SOX6: variants seen among roughly 807,000 people sequenced by gnomAD.
The protein encoded by SOX6 is SRY-box transcription factor 6.
Under a neutral mutation model 97.8 loss-of-function variants are expected in SOX6, and 11 were observed. The ratio of observed to expected loss-of-function variants is 0.11; its 90% CI spans 0.07 to 0.19. The LOEUF is 0.19. Among genes scored for constraint, SOX6 ranks in the 10% least tolerant of loss-of-function variants. The pLI is 1.00. For missense variants in SOX6, 810 were observed against 1,039.5 expected, an observed-to-expected ratio of 0.78 and a Z score of 3.04; for synonymous variants, 360 against 371.4, an observed-to-expected ratio of 0.97 and a Z score of 0.35.
intron 1 of SOX6, among the ~76,000 whole-genome samples, chr11:16,430,960 C>T (rs1410472861): frequency 6.6e-6 from 1 of 152,142 alleles, no homozygotes; most frequent in Admixed American, 6.6e-5. Context: ...TTAAATTATG[C>T]CTGTCCTCAT....
chr11:16,010,178 A>G lies in SOX6; in HGVS notation c.1732+4764T>C, dbSNP rs926362351. Among the ~76,000 whole-genome samples the G allele has an allele frequency of 2.6e-5, 4 of 151,460 alleles. No individual in the cohort carries two copies. The East Asian group carries it at 7.8e-4, about 30-fold the overall frequency. ...CACACACACACACACACACACAAATAAAGCTTCAGAAGGGTAAGGTCATCT... is the reference window on the plus strand; with the variant it reads ...CACACACACACACACACACACAAATGAAGCTTCAGAAGGGTAAGGTCATCT... On this transcript the variant is annotated intron_variant, in intron 13 of 15. Transcript: ENST00000683767.
At chr11:16,321,882 T>C (rs1855939046) in intron 2 of SOX6, among the ~76,000 whole-genome samples, 1 of 152,176 alleles carries the variant, frequency 6.6e-6, no homozygotes, top group African/African-American at 2.4e-5. Flanking sequence ...TTTTTAACTT[T>C]CTAACACCTA....
At chr11:16,174,486 A>G (rs1851129720) in intron 6 of SOX6, among the ~76,000 whole-genome samples, 1 of 151,948 alleles carries the variant, frequency 6.6e-6, no homozygotes, top group Admixed American at 6.6e-5. Context: ...TCTAACATTA[A>G]TAACTTTGAG....
chr11:16,627,984 G>A (rs1180773127), intron 3 of SOX6, among the ~76,000 whole-genome samples: 1 of 152,090 alleles, frequency 6.6e-6, no homozygotes, highest in African/African-American at 2.4e-5. Flanking sequence ...TATGGTGAAA[G>A]GTATAGGTTT....
chr11:16,623,259 G>A (rs1004857881), intron 3 of SOX6, among the ~76,000 whole-genome samples: 7 of 152,132 alleles, frequency 4.6e-5, no homozygotes, highest in Admixed American at 2.6e-4. Context: ...GACCTCAGGT[G>A]ATCCACCCAC....
Position 16,234,583 on chromosome 11 carries a change from T to C in SOX6, c.534A>G (p.Lys178=). 1 of 1,552,498 alleles carries C rather than the reference T, an allele frequency of 6.4e-7. No individual in the cohort carries two copies. The highest frequency in any genetic ancestry group is 8.9e-7 in the Non-Finnish European group (1 of 1,128,104). Residue 178 remains lysine (K), a splice_region_variant and synonymous_variant, in exon 4 of 16, where the codon AAA becomes AAG. Coordinates refer to ENST00000683767, the MANE Select transcript of SOX6 (RefSeq NM_001367873.1). ...LNTSELLGEI[K]GTPESLAEKE... is the part of the protein sequence containing the mutation. Reference sequence around the variant, plus strand: ...TGTTCGATATATTTTATGTTGTACCTTTAATTTCTCCAAGAAGTTCACTGG... The same window carrying C: ...TGTTCGATATATTTTATGTTGTACCCTTAATTTCTCCAAGAAGTTCACTGG...
chr11:16,346,628 C>A (rs1856784252), intron 1 of SOX6, among the ~76,000 whole-genome samples: 1 of 152,106 alleles, frequency 6.6e-6, no homozygotes, highest in African/African-American at 2.4e-5. Context: ...TAAGAAAATT[C>A]AGGTGAAAAG....
intron 4 of SOX6, among the ~76,000 whole-genome samples, chr11:16,570,428 A>G (rs370909789): frequency 1.9e-4 from 29 of 152,276 alleles, no homozygotes; most frequent in Admixed American, 4.6e-4. Flanking sequence ...AAAGAAAACT[A>G]TGTATTTTAA....
intron 9 of SOX6, among the ~76,000 whole-genome samples, chr11:16,066,308 T>A (rs1176427941): frequency 1.3e-5 from 2 of 152,166 alleles, no homozygotes; most frequent in African/African-American, 2.4e-5. Context: ...TTGGTGAGAA[T>A]GTAAATTAGT....
chr11:16,427,500 G>C (rs1179235435), intron 1 of SOX6, among the ~76,000 whole-genome samples: 4 of 150,774 alleles, frequency 2.7e-5, no homozygotes, highest in Non-Finnish European at 5.9e-5. Context: ...CCCACAACAG[G>C]CCCAATGTGT....
At chr11:16,045,643 G>C (rs1456237894) in intron 12 of SOX6, among the ~76,000 whole-genome samples, 3 of 152,026 alleles carry the variant, frequency 2.0e-5, no homozygotes, top group Admixed American at 6.6e-5. Context: ...TGCCATTCCT[G>C]CCACACTGGC....
intron 1 of SOX6, among the ~76,000 whole-genome samples, chr11:16,448,335 A>G (rs766527820): frequency 4.6e-5 from 7 of 152,022 alleles, no homozygotes; most frequent in Non-Finnish European, 8.8e-5. Flanking sequence ...AATTCTTTCT[A>G]TTTTACTCAT....
At chr11:16,505,348 T>G (rs1203450219) in intron 4 of SOX6, among the ~76,000 whole-genome samples, 2 of 152,152 alleles carry the variant, frequency 1.3e-5, no homozygotes, top group Non-Finnish European at 2.9e-5. Flanking sequence ...TTGAGAGAGA[T>G]GACTTAGGGT....
At chr11:16,209,866 C>T (rs1852173598) in intron 4 of SOX6, among the ~76,000 whole-genome samples, 1 of 152,074 alleles carries the variant, frequency 6.6e-6, no homozygotes, top group South Asian at 2.1e-4. Flanking sequence ...AGCTCCAATA[C>T]TTACTAGGCT....
chr11:16,639,285 G>T (rs1848850957), intron 3 of SOX6, among the ~76,000 whole-genome samples: 1 of 152,068 alleles, frequency 6.6e-6, no homozygotes, highest in Admixed American at 6.5e-5. Flanking sequence ...TCTCTGTTTT[G>T]GTACCAGTAC....
intron 1 of SOX6, among the ~76,000 whole-genome samples, chr11:16,344,154 G>A (rs943301163): frequency 5.3e-5 from 8 of 151,798 alleles, no homozygotes; most frequent in Non-Finnish European, 8.8e-5. Flanking sequence ...GAAAAAGATG[G>A]GTTTTGTTTT....
chr11:16,508,100 A>C (rs1860819580), intron 4 of SOX6, among the ~76,000 whole-genome samples: 1 of 152,138 alleles, frequency 6.6e-6, no homozygotes, highest in East Asian at 1.9e-4. Flanking sequence ...TAAATAATAA[A>C]TTCTCAAAAG....
At chr11:16,462,861 G>C (rs1425829669) in intron 1 of SOX6, among the ~76,000 whole-genome samples, 1 of 152,232 alleles carries the variant, frequency 6.6e-6, no homozygotes, top group East Asian at 1.9e-4. Context: ...TGCAGAGAAA[G>C]AGGGAGAGAA....
At chr11:16,001,874 T>TA (rs2119904314) in intron 13 of SOX6, among the ~76,000 whole-genome samples, 1 of 152,298 alleles carries the variant, frequency 6.6e-6, no homozygotes, top group Non-Finnish European at 1.5e-5. Flanking sequence ...CCATTCTCTT[T>TA]AAAAGATCAA....
Sources: gnomAD v4.1 joint callset for allele counts (sites outside exome capture counted in the v4.1 genomes callset) on GRCh38, gnomAD v4.1.1 for gene constraint, MANE v1.5 for transcripts, NCBI Gene and HGNC (gene_info 2026-07-23, HGNC 2026-07-21) for gene names.